The following SLC24A2 variants were observed in gnomAD, a reference collection of about 807,000 sequenced individuals.
SLC24A2 encodes solute carrier family 24 member 2.
SLC24A2 carries 36 observed loss-of-function variants against 62.0 expected under a neutral mutation model. The observed-to-expected ratio is 0.58, with a 90% confidence interval of 0.44 to 0.77. The LOEUF is 0.77. SLC24A2 is among the 30% of genes least tolerant of loss of function. The pLI is 0.00. For missense variants in SLC24A2, 846 were observed against 817.9 expected (o/e 1.03, Z -0.42); for synonymous variants, 358 against 294.0 (o/e 1.22, Z -2.23).
At chr9:20,136,622 T>C in the SLC24A2 span, among the ~76,000 whole-genome samples, 3 of 152,134 alleles carry the variant, frequency 2.0e-5, no homozygotes, top group African/African-American at 7.2e-5. Flanking sequence ...GCCAAGGGAA[T>C]CATAAAGTTT....
At chr9:19,577,817 C>G (rs1563978786) in intron 5 of SLC24A2, among the ~76,000 whole-genome samples, 1 of 148,284 alleles carries the variant, frequency 6.7e-6, no homozygotes, top group African/African-American at 2.5e-5. Context: ...GATAAAGAAA[C>G]TGTTATATAT....
the SLC24A2 span, among the ~76,000 whole-genome samples, chr9:19,842,802 T>A: frequency 6.6e-6 from 1 of 152,188 alleles, no homozygotes; most frequent in Non-Finnish European, 1.5e-5. Flanking sequence ...CCTCTAAAAT[T>A]TCTGATATCT....
At chr9:20,203,148 A>G in the SLC24A2 span, among the ~76,000 whole-genome samples, 1 of 151,570 alleles carries the variant, frequency 6.6e-6, no homozygotes, top group South Asian at 2.1e-4. Context: ...CTGGGTTAGC[A>G]TGTCATGATT....
chr9:20,070,310 GCTCT>G, the SLC24A2 span, among the ~76,000 whole-genome samples: 2 of 152,154 alleles, frequency 1.3e-5, no homozygotes, highest in African/African-American at 2.4e-5. Flanking sequence ...TCTCGATTTT[GCTCT>G]CTGTCTTCTG....
At chr9:20,185,569 G>A in the SLC24A2 span, among the ~76,000 whole-genome samples, 2 of 151,036 alleles carry the variant, frequency 1.3e-5, no homozygotes, top group African/African-American at 4.9e-5. Context: ...GGAGGCTGAG[G>A]CAGGAGAATG....
At chr9:19,683,238 A>G (rs1885230) in intron 2 of SLC24A2, among the ~76,000 whole-genome samples, 1 of 152,158 alleles carries the variant, frequency 6.6e-6, no homozygotes. Flanking sequence ...GGCAAGATGC[A>G]GTTTAGTGGG....
the SLC24A2 span, among the ~76,000 whole-genome samples, chr9:20,170,131 CA>C: frequency 0.024 from 3,260 of 134,204 alleles, 116 homozygotes; most frequent in African/African-American, 0.095. Flanking sequence ...CCAACAAAGA[CA>C]AAAAGAAAAA....
At chr9:19,981,858 C>A in the SLC24A2 span, among the ~76,000 whole-genome samples, 2 of 152,112 alleles carry the variant, frequency 1.3e-5, no homozygotes, top group African/African-American at 4.8e-5. Context: ...TTGCCTACAA[C>A]AATTCACTTA....
At chr9:20,177,987 A>C in the SLC24A2 span, among the ~76,000 whole-genome samples, 3 of 152,232 alleles carry the variant, frequency 2.0e-5, no homozygotes, top group East Asian at 5.8e-4. Context: ...ATACAATAAT[A>C]CCTTAATTCA....
the SLC24A2 span, among the ~76,000 whole-genome samples, chr9:19,950,783 G>A: frequency 6.6e-6 from 1 of 152,112 alleles, no homozygotes; most frequent in Non-Finnish European, 1.5e-5. Flanking sequence ...TTGTGGCTCA[G>A]ACTATGTTTC....
chr9:20,115,059 G>A, the SLC24A2 span, among the ~76,000 whole-genome samples: 46 of 152,202 alleles, frequency 3.0e-4, no homozygotes, highest in East Asian at 5.6e-3. Flanking sequence ...TTTAGAGGAA[G>A]AATCAATTAA....
the SLC24A2 span, among the ~76,000 whole-genome samples, chr9:20,037,751 G>A: frequency 6.6e-6 from 1 of 152,160 alleles, no homozygotes; most frequent in Non-Finnish European, 1.5e-5. Flanking sequence ...ACTTTGGATT[G>A]TCTTGAGTTT....
At chr9:19,850,976 TATATATATGTATATATATATATATAC>T in the SLC24A2 span, among the ~76,000 whole-genome samples, 4 of 47,218 alleles carry the variant, frequency 8.5e-5, no homozygotes, top group African/African-American at 1.9e-4. Context: ...TGTATATATA[TATATATATGTATATATATATATATAC>T]ACATACATAT....
At chr9:19,716,591 G>A (rs1289032829) in intron 2 of SLC24A2, among the ~76,000 whole-genome samples, 6 of 152,146 alleles carry the variant, frequency 3.9e-5, no homozygotes, top group Admixed American at 3.3e-4. Flanking sequence ...TTTTAGGGCT[G>A]ATGTCTTATA....
the SLC24A2 span, among the ~76,000 whole-genome samples, chr9:19,851,389 A>G: frequency 6.6e-6 from 1 of 152,064 alleles, no homozygotes; most frequent in Non-Finnish European, 1.5e-5. Context: ...CAGGTTTATT[A>G]CATAGGTAAA....
chr9:19,651,105 G>A (rs1479779901), intron 2 of SLC24A2, among the ~76,000 whole-genome samples: 1 of 152,102 alleles, frequency 6.6e-6, no homozygotes. Context: ...GTATTAGGTA[G>A]CACAGATCTG....
At chr9:20,019,247 A>T in the SLC24A2 span, among the ~76,000 whole-genome samples, 1 of 99,258 alleles carries the variant, frequency 1.0e-5, no homozygotes, top group Admixed American at 9.6e-5. Flanking sequence ...AAAAGAAAGA[A>T]GGAAAGAGAA....
chr9:19,769,149 T>C (rs1029893665), intron 2 of SLC24A2, among the ~76,000 whole-genome samples: 1 of 152,152 alleles, frequency 6.6e-6, no homozygotes, highest in African/African-American at 2.4e-5. Flanking sequence ...CCTGAAGTCT[T>C]CCCCTTTTCC....
At chr9:19,907,885 A>G in the SLC24A2 span, among the ~76,000 whole-genome samples, 1,595 of 152,334 alleles carry the variant, frequency 0.01, 29 homozygotes, top group African/African-American at 0.037. Flanking sequence ...GGAAGAATCA[A>G]TATCGTGAAA....
Sources: gnomAD v4.1 joint callset for allele counts (sites outside exome capture counted in the v4.1 genomes callset) on GRCh38, gnomAD v4.1.1 for gene constraint, MANE v1.5 for transcripts, NCBI Gene and HGNC (gene_info 2026-07-23, HGNC 2026-07-21) for gene names.